Variants in ARHGEF7 observed in about 807,000 individuals in gnomAD.
ARHGEF7 encodes PAK-interacting exchange factor beta.
ARHGEF7 carries 33 observed loss-of-function variants against 109.8 expected under a neutral mutation model. That is an observed-to-expected ratio of 0.30 (90% CI 0.23 to 0.40). The LOEUF (loss-of-function observed/expected upper bound fraction) is 0.40, where lower values mean the gene tolerates loss of function less well. Among genes scored for constraint, ARHGEF7 ranks in the 10% least tolerant of loss-of-function variants. The pLI is 1.00. For synonymous variants in ARHGEF7, 458 were observed against 424.6 expected, an observed-to-expected ratio of 1.08 and a Z score of -0.97; for missense variants, 938 against 1,098.5, an observed-to-expected ratio of 0.85 and a Z score of 2.07.
chr13:111,249,459 G>C (rs1168354314), intron 8 of ARHGEF7, among the ~76,000 whole-genome samples: 12 of 151,902 alleles, frequency 7.9e-5, no homozygotes, highest in Non-Finnish European at 1.6e-4. Context: ...GGGAAAAAAG[G>C]GAGGCTGGGG....
intron 13 of ARHGEF7, among the ~76,000 whole-genome samples, chr13:111,278,318 C>T (rs2092603819): frequency 6.6e-6 from 1 of 152,164 alleles, no homozygotes; most frequent in Admixed American, 6.5e-5. Context: ...TTTCATTCTT[C>T]TTTTTCTGGG....
chr13:111,179,181 C>T (rs368576547), intron 2 of ARHGEF7, among the ~76,000 whole-genome samples: 16 of 151,898 alleles, frequency 1.1e-4, no homozygotes, highest in African/African-American at 3.1e-4. Flanking sequence ...CGGGTTCAAG[C>T]GATTCTCGTG....
At chr13:111,157,850 A>G (rs1397711712) in intron 2 of ARHGEF7, among the ~76,000 whole-genome samples, 1 of 152,196 alleles carries the variant, frequency 6.6e-6, no homozygotes, top group African/African-American at 2.4e-5. Flanking sequence ...AGCTTCCAAG[A>G]TGTTCCCACC....
chr13:111,117,688 T>C (rs72668202), intron 1 of ARHGEF7, among the ~76,000 whole-genome samples: 6,083 of 152,214 alleles, frequency 0.04, 157 homozygotes, highest in Non-Finnish European at 0.061. Flanking sequence ...TCTCTTTCTT[T>C]CTTTCTCTCT....
intron 2 of ARHGEF7, among the ~76,000 whole-genome samples, chr13:111,157,311 G>A (rs1156914510): frequency 2.0e-5 from 3 of 150,064 alleles, no homozygotes; most frequent in Admixed American, 6.6e-5. Flanking sequence ...TTTCCAGTTA[G>A]GGCAAAAAAC....
chr13:111,225,726 T>A (rs1003339285), intron 5 of ARHGEF7, among the ~76,000 whole-genome samples: 1 of 152,194 alleles, frequency 6.6e-6, no homozygotes, highest in Admixed American at 6.5e-5. Context: ...ACCATGCCCA[T>A]GTAAGATGGC....
intron 2 of ARHGEF7, among the ~76,000 whole-genome samples, chr13:111,179,423 G>A (rs1158194787): frequency 2.6e-5 from 4 of 152,140 alleles, no homozygotes; most frequent in Non-Finnish European, 4.4e-5. Flanking sequence ...AACTGTGTAA[G>A]TCATGTTGTA....
At chr13:111,133,049 CAT>C (rs140446102) in intron 1 of ARHGEF7, among the ~76,000 whole-genome samples, 2,051 of 152,194 alleles carry the variant, frequency 0.013, 50 homozygotes, top group African/African-American at 0.047. Context: ...TGCATATACA[CAT>C]ATGTATGCAC....
chr13:111,197,827 A>G (rs550845699), intron 2 of ARHGEF7, among the ~76,000 whole-genome samples: 83 of 152,242 alleles, frequency 5.5e-4, no homozygotes, highest in African/African-American at 2.0e-3. Flanking sequence ...TGAAACTAGA[A>G]AAGAACTAGA....
At chr13:111,293,147 C>T (rs191168239) in intron 19 of ARHGEF7, 127 of 985,386 alleles carry the variant, frequency 1.3e-4, no homozygotes, top group Admixed American at 2.5e-4. Flanking sequence ...GTTTAAAGCC[C>T]GAAAGCTGAA....
chr13:111,288,171 A>G (rs2093107496), intron 17 of ARHGEF7, among the ~76,000 whole-genome samples, 183 bp from the exon 18 acceptor site: 1 of 152,144 alleles, frequency 6.6e-6, no homozygotes, highest in Admixed American at 6.5e-5. Context: ...ATTTGCATTT[A>G]TTTTATTTTA....
intron 19 of ARHGEF7, chr13:111,294,191 A>G: frequency 2.0e-6 from 2 of 985,414 alleles, no homozygotes; most frequent in South Asian, 4.7e-5. Context: ...GATAACTACA[A>G]AGTTTCTATA....
intron 1 of ARHGEF7, among the ~76,000 whole-genome samples, chr13:111,135,145 T>A (rs2075022048): frequency 6.6e-6 from 1 of 152,260 alleles, no homozygotes. Flanking sequence ...CTCTGTTCTG[T>A]TCCATTGGTC....
At chr13:111,121,515 A>G (rs570807786) in intron 1 of ARHGEF7, among the ~76,000 whole-genome samples, 3 of 152,290 alleles carry the variant, frequency 2.0e-5, no homozygotes, top group South Asian at 4.1e-4. Context: ...CTGTGAGGTG[A>G]GTGGGGGCAG....
intron 1 of ARHGEF7, among the ~76,000 whole-genome samples, chr13:111,123,866 C>CCA (rs1555339516): frequency 9.0e-5 from 5 of 55,520 alleles, no homozygotes; most frequent in African/African-American, 2.5e-4. Flanking sequence ...GGCTGCGCCC[C>CCA]CCCCCCCCGG....
At chr13:111,171,331 G>T (rs1829573428) in intron 2 of ARHGEF7, among the ~76,000 whole-genome samples, 1 of 152,218 alleles carries the variant, frequency 6.6e-6, no homozygotes, top group African/African-American at 2.4e-5. Flanking sequence ...CCTAGCTTGG[G>T]AGCTGCGTGT....
rs2090692985 is a variant in ARHGEF7, at chr13:111,258,389, T to G, written c.951-9159T>G. On this transcript the variant is annotated intron_variant, in intron 8 of 21. Transcript: ENST00000646102. The surrounding 1 kb of genome is among the most constrained non-coding windows in gnomAD (Gnocchi z 4.4). ...TAAGAGGAGAGGAAAGACGGCTTTG[T>G]CTTGCAGCTTGGATACCAGCTCAGC... 1.3e-5 allele frequency among the ~76,000 whole-genome samples: 2 copies of G among 152,234 alleles called. No homozygotes were observed. Among genetic ancestry groups the G allele is most frequent in the South Asian group, 4.1e-4 (2 of 4,830 alleles).
At chr13:111,124,403 G>A (rs1004809005) in intron 1 of ARHGEF7, among the ~76,000 whole-genome samples, 4 of 152,234 alleles carry the variant, frequency 2.6e-5, no homozygotes, top group Non-Finnish European at 4.4e-5. Flanking sequence ...TCCAGCAGCC[G>A]TGAGTCTCTC....
rs1319892455 is a variant in ARHGEF7 at position 111,153,715 on chromosome 13, A to G, written c.166-190A>G. On this transcript the variant is annotated intron_variant, in intron 1 of 21. Transcript: ENST00000646102. ...AGATTGGTGCAGCCCCGGAGGAAGAAAAAAGGGTGAGGAGAAGCAGCGGCT... is the reference window on the plus strand; with the variant it reads ...AGATTGGTGCAGCCCCGGAGGAAGAGAAAAGGGTGAGGAGAAGCAGCGGCT... 8 of 1,321,418 alleles carry G rather than the reference A, an allele frequency of 6.1e-6. No homozygotes were observed. The Admixed American group carries it at 3.4e-4, about 56-fold the overall frequency. 81.9% of individuals were successfully genotyped at this position (1,321,418 alleles called of 1,614,324 possible).
Sources: allele counts gnomAD v4.1 joint callset (sites outside exome capture counted in the v4.1 genomes callset), GRCh38; gene constraint gnomAD v4.1.1; non-coding constraint Gnocchi (gnomAD v3.1); transcripts MANE v1.5; gene names NCBI Gene and HGNC (gene_info 2026-07-23, HGNC 2026-07-21).